Variants in AHI1 observed in about 807,000 individuals in gnomAD.
The protein encoded by AHI1 is jouberin.
AHI1 carries 123 observed loss-of-function variants against 149.3 expected under a neutral mutation model. The ratio of observed to expected loss-of-function variants is 0.82; its 90% CI spans 0.71 to 0.96. The LOEUF is 0.96. Among genes scored for constraint, AHI1 ranks in the 40% least tolerant of loss-of-function variants. AHI1 has a pLI of 0.00. For synonymous variants in AHI1, 475 were observed against 459.8 expected, an observed-to-expected ratio of 1.03 and a Z score of -0.42; for missense variants, 1,439 against 1,422.7, an observed-to-expected ratio of 1.01 and a Z score of -0.18.
intron 11 of AHI1, among the ~76,000 whole-genome samples, chr6:135,451,556 G>C (rs776987662): frequency 1.3e-5 from 2 of 152,284 alleles, no homozygotes; most frequent in South Asian, 2.1e-4. Context: ...GAAGAAGACA[G>C]GTAAGTGTTA....
chr6:135,300,998 A>G (rs146307030), intron 26 of AHI1: 1 of 984,696 alleles, frequency 1.0e-6, no homozygotes, highest in East Asian at 1.1e-4. Context: ...TGAATTTGAA[A>G]GCTCTTTAAA....
intron 24 of AHI1, among the ~76,000 whole-genome samples, chr6:135,352,840 T>C (rs1412295627): frequency 2.0e-5 from 3 of 149,906 alleles, no homozygotes; most frequent in Non-Finnish European, 4.4e-5. Context: ...TTTCTACTTT[T>C]CCCATAGTAT....
At chr6:135,363,237 A>T (rs200364861) in intron 23 of AHI1, among the ~76,000 whole-genome samples, 2,652 of 149,980 alleles carry the variant, frequency 0.018, 46 homozygotes, top group East Asian at 0.093. Context: ...GAGATTAGGG[A>T]GTGGTGATGA....
At chr6:135,347,316 T>C (rs182085287) in intron 24 of AHI1, among the ~76,000 whole-genome samples, 2 of 152,328 alleles carry the variant, frequency 1.3e-5, no homozygotes, top group East Asian at 1.9e-4. Flanking sequence ...TTTAAAAATA[T>C]ACATTGTTTC....
At chr6:135,465,771 G>A in intron 7 of AHI1, 43 bp downstream of exon 7, 1 of 1,402,350 alleles carries the variant, frequency 7.1e-7, no homozygotes, top group Non-Finnish European at 9.4e-7. Flanking sequence ...AAATAACAGT[G>A]TTTTTCTAAG....
intron 5 of AHI1, among the ~76,000 whole-genome samples, chr6:135,474,972 T>C (rs895305681): frequency 1.3e-5 from 2 of 152,248 alleles, no homozygotes; most frequent in Non-Finnish European, 2.9e-5. Flanking sequence ...GAAGAGTCTG[T>C]ATAGAATTGG....
rs190408472 is a variant in AHI1, at chr6:135,410,557, T to C, written c.2961+791A>G. On this transcript the variant is annotated intron_variant, in intron 21 of 28. Transcript: ENST00000265602. ...TTTCACCTATCTCTTTTTTTCTGTATTCTTGCGTGCTTCTGAAATTAGTTC... is the reference window on the plus strand; with the variant it reads ...TTTCACCTATCTCTTTTTTTCTGTACTCTTGCGTGCTTCTGAAATTAGTTC... Among the ~76,000 whole-genome samples the C allele has an allele frequency of 9.3e-4, 141 of 152,352 alleles. 2 individuals are homozygous for C. The highest frequency in any genetic ancestry group is 3.0e-3 in the African/African-American group (124 of 41,590).
intron 20 of AHI1, among the ~76,000 whole-genome samples, chr6:135,419,844 C>A (rs1315097780): frequency 6.6e-6 from 1 of 152,084 alleles, no homozygotes; most frequent in African/African-American, 2.4e-5. Flanking sequence ...TATTTGATAG[C>A]ATTTTACCCA....
intron 26 of AHI1, among the ~76,000 whole-genome samples, chr6:135,315,760 A>T (rs941950955): frequency 6.6e-6 from 1 of 152,168 alleles, no homozygotes. Flanking sequence ...GATGGTTATT[A>T]TTCTTCTTGT....
At chr6:135,322,091 C>G (rs1207389946) in intron 25 of AHI1, among the ~76,000 whole-genome samples, 1 of 152,232 alleles carries the variant, frequency 6.6e-6, no homozygotes, top group East Asian at 1.9e-4. Context: ...GCGTGAGCCA[C>G]AGTGCCTGGC....
chr6:135,411,317 T>C, intron 21 of AHI1, 31 bp downstream of exon 21: 2 of 1,557,730 alleles, frequency 1.3e-6, no homozygotes, highest in Non-Finnish European at 1.8e-6. Context: ...AGAAATAGTT[T>C]TAAAGTTTCA....
chr6:135,432,945 C>T (rs1036984353), intron 16 of AHI1, 82 bp downstream of exon 16: 1 of 1,025,184 alleles, frequency 9.8e-7, no homozygotes, highest in Non-Finnish European at 1.5e-6. Context: ...CAGTACATAA[C>T]CCTCTCAAGC....
rs141590344 is a variant in AHI1, at chr6:135,352,371, T to A, written c.3165+5761A>T. Among the ~76,000 whole-genome samples the A allele has an allele frequency of 8.5e-3, 1,294 of 152,268 alleles. 11 individuals carry two copies. The highest frequency in any genetic ancestry group is 0.015 in the Non-Finnish European group (1,017 of 68,012). On this transcript the variant is annotated intron_variant, in intron 24 of 28. Coordinates refer to ENST00000265602, the MANE Select transcript of AHI1 (RefSeq NM_001134831.2). ...AAATTTTCTACCCATCTATAAACTG[T>A]GTGTACACAGTGTGTCTTTCTATAA...
At chr6:135,421,620 A>G (rs1783171061) in intron 20 of AHI1, among the ~76,000 whole-genome samples, 1 of 152,130 alleles carries the variant, frequency 6.6e-6, no homozygotes, top group Non-Finnish European at 1.5e-5. Context: ...ATTTTACATC[A>G]TATCATTCAT....
chr6:135,475,104 T>A (rs1255708510), intron 5 of AHI1, among the ~76,000 whole-genome samples: 1 of 152,108 alleles, frequency 6.6e-6, no homozygotes, highest in Non-Finnish European at 1.5e-5. Flanking sequence ...AATGTTCGAG[T>A]TATCTATTTC....
intron 20 of AHI1, among the ~76,000 whole-genome samples, chr6:135,415,686 CCATA>C (rs1422248376): frequency 2.0e-5 from 3 of 152,268 alleles, no homozygotes; most frequent in Admixed American, 6.5e-5. Context: ...AAGCATATGT[CCATA>C]CAAAGACTTG....
chr6:135,297,977 G>C (rs1262691016), intron 27 of AHI1, among the ~76,000 whole-genome samples: 1 of 151,992 alleles, frequency 6.6e-6, no homozygotes, highest in Non-Finnish European at 1.5e-5. Context: ...TTAACTATAT[G>C]AATTAACCTC....
chr6:135,300,720 G>A lies in AHI1; in HGVS notation c.3427-162C>T, dbSNP rs1296736902. Reference sequence around the variant, plus strand: ...TGTCCTGAACATATATTGTCTATCAGGACAATATATTTGCTCCCATGAAAA... The same window carrying A: ...TGTCCTGAACATATATTGTCTATCAAGACAATATATTTGCTCCCATGAAAA... On this transcript the variant is annotated intron_variant, in intron 26 of 28. Coordinates refer to ENST00000265602, the MANE Select transcript of AHI1 (RefSeq NM_001134831.2). 3.1e-6 allele frequency: 4 copies of A among 1,274,932 alleles called. No homozygotes were observed. The African/African-American group carries it at 6.2e-5, about 20-fold the overall frequency. 79.0% of individuals were successfully genotyped at this position (1,274,932 alleles called of 1,614,324 possible).
chr6:135,418,958 T>G (rs1782761270), intron 20 of AHI1, among the ~76,000 whole-genome samples: 1 of 151,756 alleles, frequency 6.6e-6, no homozygotes, highest in African/African-American at 2.4e-5. Context: ...TTTTTTTTTT[T>G]TTGTATTTTA....
Sources: allele counts gnomAD v4.1 joint callset (sites outside exome capture counted in the v4.1 genomes callset), GRCh38; gene constraint gnomAD v4.1.1; transcripts MANE v1.5; gene names NCBI Gene and HGNC (gene_info 2026-07-23, HGNC 2026-07-21).